KCNQ3: variants seen among roughly 807,000 people sequenced by gnomAD.
KCNQ3 encodes the protein potassium voltage-gated channel subfamily Q member 3, also known as potassium voltage-gated channel subfamily KQT member 3.
Under a neutral mutation model 92.5 loss-of-function variants are expected in KCNQ3, and 30 were observed. The observed-to-expected ratio is 0.32, with a 90% CI of 0.24 to 0.44. KCNQ3 has a LOEUF of 0.44. Ranked by LOEUF, KCNQ3 falls within the 20% of genes least tolerant of loss-of-function variation. The probability of loss-of-function intolerance (pLI) is 1.00; values close to 1 mark genes in which losing one functional copy is unlikely to be tolerated. For synonymous variants in KCNQ3, 450 were observed against 468.8 expected (o/e 0.96, Z 0.52); for missense variants, 913 against 1,140.3 (o/e 0.80, Z 2.87).
chr8:132,202,852 T>G (rs1272440598), intron 1 of KCNQ3, among the ~76,000 whole-genome samples: 1 of 152,236 alleles, frequency 6.6e-6, no homozygotes, highest in Non-Finnish European at 1.5e-5. Flanking sequence ...GCCCATTACC[T>G]AGTTGCAAAG....
intron 1 of KCNQ3, among the ~76,000 whole-genome samples, chr8:132,390,310 G>T (rs1586979355): frequency 1.3e-5 from 2 of 152,260 alleles, no homozygotes; most frequent in South Asian, 4.1e-4. Flanking sequence ...ATTGCTTTTG[G>T]GGGAGAGTCT....
intron 1 of KCNQ3, among the ~76,000 whole-genome samples, chr8:132,383,537 T>C (rs574892543): frequency 2.0e-5 from 3 of 152,146 alleles, no homozygotes. Context: ...TGAGATGGTT[T>C]GGGGTCCCCA....
At chr8:132,462,603 T>C (rs1822087747) in intron 1 of KCNQ3, among the ~76,000 whole-genome samples, 1 of 152,230 alleles carries the variant, frequency 6.6e-6, no homozygotes, top group Non-Finnish European at 1.5e-5. Context: ...ATATGAACTT[T>C]TGACCGCATC....
chr8:132,289,981 C>A (rs1192553291), intron 1 of KCNQ3, among the ~76,000 whole-genome samples: 2 of 152,164 alleles, frequency 1.3e-5, no homozygotes, highest in African/African-American at 4.8e-5. Flanking sequence ...CTCTTCCCTG[C>A]ATTCTCAGAA....
chr8:132,175,506 C>T lies in KCNQ3; in HGVS notation c.880G>A (p.Glu294Lys). The T allele has an allele frequency of 6.2e-7, 1 of 1,614,210 alleles. No homozygotes were observed. The highest frequency in any genetic ancestry group is 1.3e-5 in the African/African-American group (1 of 75,062). ...GTCTCAAACTCCTCTTTCATCTCCTCTCCTTGTGCATCCACCTCTGGGACG... is the reference window on the plus strand; with the variant it reads ...GTCTCAAACTCCTCTTTCATCTCCTTTCCTTGTGCATCCACCTCTGGGACG... The part of the protein sequence containing the change: ...KDVPEVDAQG[E>K]EMKEEFETYA... The change falls in exon 5 of 15, where the codon GAG becomes AAG. Residue 294 changes from glutamate (E) to lysine (K), a missense_variant. Physicochemically the swap from Glu to Lys is moderately conservative, Grantham distance 56. This residue lies in a region of KCNQ3 where 21 missense variants were observed against 16.3 expected (regional missense o/e 1.29). Coordinates refer to ENST00000388996, the MANE Select transcript of KCNQ3 (RefSeq NM_004519.4).
rs532323444 is a variant in KCNQ3, at chr8:132,129,935, C to A, written c.1946G>T (p.Arg649Leu). The change falls in exon 15 of 15, where the codon CGG becomes CTG. Residue 649 changes from arginine (R) to leucine (L), a missense_variant. Arg to Leu is a moderately radical substitution (Grantham distance 102). Transcript: ENST00000388996. This position sits in a 1 kb window ranked among gnomAD's most constrained non-coding sequence, Gnocchi z 5.9. Reference sequence around the variant, plus strand: ...ATACTCCGTGACCTGCACCTGCAACCGTTCCATGTGTTGCATGTGCATATC... The same window carrying A: ...ATACTCCGTGACCTGCACCTGCAACAGTTCCATGTGTTGCATGTGCATATC... ...LVDMHMQHME[R>L]LQVQVTEYYP... 1 of 1,614,042 alleles carries A rather than the reference C, an allele frequency of 6.2e-7. No homozygotes were observed. Among genetic ancestry groups the A allele is most frequent in the Non-Finnish European group, 8.5e-7 (1 of 1,179,926 alleles).
At chr8:132,262,455 G>T (rs576108640) in intron 1 of KCNQ3, among the ~76,000 whole-genome samples, 10 of 152,230 alleles carry the variant, frequency 6.6e-5, no homozygotes, top group Middle Eastern at 3.4e-3. Flanking sequence ...ATATTTTAAT[G>T]CAATAACATC....
At chr8:132,352,122 C>T (rs879385780) in intron 1 of KCNQ3, among the ~76,000 whole-genome samples, 8 of 152,146 alleles carry the variant, frequency 5.3e-5, no homozygotes, top group African/African-American at 9.7e-5. Flanking sequence ...TTTCAACCCA[C>T]GTTTAGACGA....
At chr8:132,283,149 G>T (rs1173033810) in intron 1 of KCNQ3, among the ~76,000 whole-genome samples, 1 of 151,152 alleles carries the variant, frequency 6.6e-6, no homozygotes, top group East Asian at 2.0e-4. Flanking sequence ...AGAAATTCTT[G>T]TTGAGTATCT....
At chr8:132,317,393 G>GT (rs1224057879) in intron 1 of KCNQ3, among the ~76,000 whole-genome samples, 5 of 152,202 alleles carry the variant, frequency 3.3e-5, no homozygotes, top group African/African-American at 1.2e-4. Context: ...TTTGGATATA[G>GT]TTTTGCAAAT....
intron 1 of KCNQ3, among the ~76,000 whole-genome samples, chr8:132,400,387 G>A (rs368341586): frequency 5.3e-5 from 8 of 152,180 alleles, no homozygotes; most frequent in African/African-American, 1.7e-4. Context: ...TCAAGTCTGC[G>A]TTTCATACAA....
chr8:132,368,880 A>G (rs1400084872), intron 1 of KCNQ3, among the ~76,000 whole-genome samples: 1 of 150,016 alleles, frequency 6.7e-6, no homozygotes, highest in Admixed American at 6.7e-5. Context: ...CTACAGTCAC[A>G]TTTTTTCAGA....
At chr8:132,415,195 T>C (rs546353075) in intron 1 of KCNQ3, among the ~76,000 whole-genome samples, 1 of 152,340 alleles carries the variant, frequency 6.6e-6, no homozygotes, top group African/African-American at 2.4e-5. Context: ...CTCTCTTGTC[T>C]TTCATTTCTA....
At position 132,134,433 on chromosome 8, in the gene KCNQ3, G is replaced by A. The variant is rs372689815; in HGVS notation, c.1701-45C>T. On this transcript the variant is annotated intron_variant, in intron 12 of 14. Transcript: ENST00000388996. ...CAGGGATTAAATTACACAGAGCTTT[G>A]TTTTGACAGGAAAACAAATCATTCT... 45 of 1,320,374 alleles carry A rather than the reference G, an allele frequency of 3.4e-5. No individual in the cohort carries two copies. In the African/African-American group the frequency reaches 6.4e-4, roughly 19 times the overall value. The allele number at this position is 1,320,374 out of a possible 1,614,324, so 81.8% of individuals were successfully genotyped here. A position where few individuals can be genotyped will look rare whatever the true frequency, so the allele number is the denominator to read the frequency against.
intron 1 of KCNQ3, among the ~76,000 whole-genome samples, chr8:132,255,662 G>C (rs1815560632): frequency 6.6e-6 from 1 of 152,182 alleles, no homozygotes; most frequent in South Asian, 2.1e-4. Context: ...GAGCATTAAA[G>C]TTATGCCCTG....
chr8:132,273,796 C>T (rs566508524), intron 1 of KCNQ3, among the ~76,000 whole-genome samples: 118 of 152,246 alleles, frequency 7.8e-4, no homozygotes, highest in Middle Eastern at 6.8e-3. Flanking sequence ...TTTAAAGTTC[C>T]GCAAATCTCT....
At chr8:132,260,883 T>C (rs1408746173) in intron 1 of KCNQ3, among the ~76,000 whole-genome samples, 1 of 152,102 alleles carries the variant, frequency 6.6e-6, no homozygotes. Context: ...CCAACCATCA[T>C]CCATCCATCC....
intron 1 of KCNQ3, among the ~76,000 whole-genome samples, chr8:132,335,692 C>G (rs991696894): frequency 2.6e-5 from 4 of 152,130 alleles, no homozygotes. Context: ...AGAAACCATT[C>G]AAGAGTTTTG....
intron 1 of KCNQ3, among the ~76,000 whole-genome samples, chr8:132,407,849 T>G (rs576367321): frequency 6.6e-6 from 1 of 152,264 alleles, no homozygotes; most frequent in African/African-American, 2.4e-5. Context: ...AGGTCACTGA[T>G]GCTCAAGCAG....
Sources: gnomAD v4.1 joint callset for allele counts (sites outside exome capture counted in the v4.1 genomes callset) on GRCh38, gnomAD v4.1.1 for gene constraint, gnomAD v4.1.1 regional missense constraint, Gnocchi (gnomAD v3.1) non-coding constraint, MANE v1.5 for transcripts, NCBI Gene and HGNC (gene_info 2026-07-23, HGNC 2026-07-21) for gene names.